SH3PXD2A: variants seen among roughly 807,000 people sequenced by gnomAD.
SH3PXD2A encodes the protein SH3 and PX domain-containing protein 2A.
SH3PXD2A carries 32 observed loss-of-function variants against 115.2 expected under a neutral mutation model. The ratio of observed to expected loss-of-function variants is 0.28; its 90% CI spans 0.21 to 0.37. SH3PXD2A has a LOEUF of 0.37. Among genes scored for constraint, SH3PXD2A ranks in the 10% least tolerant of loss-of-function variants. The pLI is 1.00. For missense variants in SH3PXD2A, 1,328 were observed against 1,498.7 expected (o/e 0.89, Z 1.88); for synonymous variants, 610 against 629.1 (o/e 0.97, Z 0.45).
At chr10:103,795,903 AAAGGAAGG>A (rs747408854) in intron 2 of SH3PXD2A, among the ~76,000 whole-genome samples, 72 of 120,096 alleles carry the variant, frequency 6.0e-4, no homozygotes, top group South Asian at 1.3e-3. Flanking sequence ...GGAGGGAGGA[AAAGGAAGG>A]AAGGAAGGAA....
chr10:103,720,522 C>A (rs1258692033), intron 5 of SH3PXD2A, among the ~76,000 whole-genome samples: 2 of 152,212 alleles, frequency 1.3e-5, no homozygotes, highest in African/African-American at 4.8e-5. Context: ...GACGGTCCCC[C>A]ACCCCAGCCC....
chr10:103,630,768 A>T (rs2036767606), intron 8 of SH3PXD2A, among the ~76,000 whole-genome samples: 1 of 146,496 alleles, frequency 6.8e-6, no homozygotes. Flanking sequence ...AAAAAAAAGG[A>T]AAAAGATAAA....
intron 6 of SH3PXD2A, among the ~76,000 whole-genome samples, chr10:103,674,867 C>CA (rs1040806209): frequency 1.3e-5 from 2 of 151,850 alleles, no homozygotes; most frequent in African/African-American, 2.4e-5. Context: ...TAAAACAAAA[C>CA]AAAAAAACAA....
chr10:103,743,986 AG>A (rs1462394419), intron 3 of SH3PXD2A, among the ~76,000 whole-genome samples: 8 of 152,178 alleles, frequency 5.3e-5, no homozygotes, highest in African/African-American at 9.7e-5. Flanking sequence ...TGTAATGGGC[AG>A]GGGAGAAGAA....
At chr10:103,841,649 C>A (rs1306615519) in intron 1 of SH3PXD2A, among the ~76,000 whole-genome samples, 1 of 152,132 alleles carries the variant, frequency 6.6e-6, no homozygotes, top group Non-Finnish European at 1.5e-5. Flanking sequence ...CCATGACCTG[C>A]TGCTCTCCCC....
At chr10:103,757,647 T>A (rs2134213470) in intron 3 of SH3PXD2A, among the ~76,000 whole-genome samples, 1 of 152,240 alleles carries the variant, frequency 6.6e-6, no homozygotes, top group East Asian at 1.9e-4. Context: ...AAAAGCCCCT[T>A]GCGTGGCTGA....
intron 8 of SH3PXD2A, among the ~76,000 whole-genome samples, chr10:103,654,005 T>C (rs1370049305): frequency 6.6e-6 from 1 of 151,846 alleles, no homozygotes. Flanking sequence ...CCACGCCCTG[T>C]ACTCCTCGCT....
At chr10:103,672,358 C>T (rs1164566849) in intron 6 of SH3PXD2A, among the ~76,000 whole-genome samples, 1 of 152,220 alleles carries the variant, frequency 6.6e-6, no homozygotes, top group Non-Finnish European at 1.5e-5. Context: ...TTGCTCTTGT[C>T]TGATGGCCTG....
At chr10:103,651,287 A>G (rs763458795) in intron 8 of SH3PXD2A, among the ~76,000 whole-genome samples, 13 of 152,212 alleles carry the variant, frequency 8.5e-5, no homozygotes, top group Non-Finnish European at 1.6e-4. Flanking sequence ...CCCCTCCCCA[A>G]GGACCTGGTA....
chr10:103,793,525 C>T (rs1010030384), intron 2 of SH3PXD2A, among the ~76,000 whole-genome samples: 1 of 152,168 alleles, frequency 6.6e-6, no homozygotes, highest in Non-Finnish European at 1.5e-5. Flanking sequence ...CCATTTTTGC[C>T]ATTGCAAACA....
At chr10:103,622,243 C>T (rs1196775680) in intron 10 of SH3PXD2A, among the ~76,000 whole-genome samples, 2 of 152,162 alleles carry the variant, frequency 1.3e-5, no homozygotes, top group Non-Finnish European at 1.5e-5. Flanking sequence ...TGTTCCATGA[C>T]CCTCATACCC....
intron 1 of SH3PXD2A, among the ~76,000 whole-genome samples, chr10:103,848,621 G>A (rs763483629): frequency 1.3e-5 from 2 of 151,924 alleles, no homozygotes; most frequent in African/African-American, 2.4e-5. Context: ...TTCCTTGCAC[G>A]TTCCACCTCC....
Position 103,680,062 on chromosome 10 carries a change from C to G in SH3PXD2A, c.428-11410G>C, listed in dbSNP as rs537247826. On this transcript the variant is annotated intron_variant, in intron 6 of 14. Coordinates refer to ENST00000369774, the MANE Select transcript of SH3PXD2A (RefSeq NM_001394015.1). ...TGGCGCCATCTCTGCTCACTGCAAC[C>G]TCTGCCTCCCCGGTTCAAGTGATTC... Among the ~76,000 whole-genome samples the G allele has an allele frequency of 2.6e-5, 4 of 151,574 alleles. No individual in the cohort carries two copies. The South Asian group carries it at 8.4e-4, about 32-fold the overall frequency.
At chr10:103,832,988 A>G (rs2039497205) in intron 1 of SH3PXD2A, among the ~76,000 whole-genome samples, 1 of 152,356 alleles carries the variant, frequency 6.6e-6, no homozygotes, top group Admixed American at 6.5e-5. Flanking sequence ...AAGTGGTTAC[A>G]CCACTTAAAA....
intron 10 of SH3PXD2A, among the ~76,000 whole-genome samples, chr10:103,618,774 G>A (rs1341545060): frequency 6.6e-6 from 1 of 152,190 alleles, no homozygotes; most frequent in African/African-American, 2.4e-5. Context: ...TCCCAGCTGT[G>A]ACAGCCACCC....
intron 5 of SH3PXD2A, among the ~76,000 whole-genome samples, chr10:103,704,528 G>A (rs1029189391): frequency 2.0e-5 from 3 of 152,172 alleles, no homozygotes; most frequent in Admixed American, 1.3e-4. Flanking sequence ...CCAGGCTGAC[G>A]GGTCTCCCCA....
intron 8 of SH3PXD2A, among the ~76,000 whole-genome samples, chr10:103,660,420 C>G (rs1592287127): frequency 6.6e-6 from 1 of 152,330 alleles, no homozygotes; most frequent in African/African-American, 2.4e-5. Flanking sequence ...TGGCTGCATC[C>G]CCCTCACTGC....
intron 3 of SH3PXD2A, among the ~76,000 whole-genome samples, chr10:103,738,955 C>T (rs1017226415): frequency 6.8e-5 from 10 of 147,704 alleles, no homozygotes; most frequent in South Asian, 2.1e-4. Flanking sequence ...CCACCACACC[C>T]GGCTGATTTT....
At chr10:103,775,011 A>C (rs963945425) in intron 2 of SH3PXD2A, among the ~76,000 whole-genome samples, 2 of 152,156 alleles carry the variant, frequency 1.3e-5, no homozygotes, top group Admixed American at 6.5e-5. Flanking sequence ...TACCATTTCC[A>C]TACTAGTGGC....
Sources: allele counts gnomAD v4.1 joint callset (sites outside exome capture counted in the v4.1 genomes callset), GRCh38; gene constraint gnomAD v4.1.1; transcripts MANE v1.5; gene names NCBI Gene and HGNC (gene_info 2026-07-23, HGNC 2026-07-21).